CDKL5: variants seen among roughly 807,000 people sequenced by gnomAD.
The protein encoded by CDKL5 is cyclin-dependent kinase-like 5.
Under a neutral mutation model 61.7 loss-of-function variants are expected in CDKL5, and 8 were observed. That is an observed-to-expected ratio of 0.13 (90% CI 0.08 to 0.23). The LOEUF (loss-of-function observed/expected upper bound fraction) is 0.23. Among genes scored for constraint, CDKL5 ranks in the 10% least tolerant of loss-of-function variants. The pLI, the probability that CDKL5 is intolerant of heterozygous loss-of-function variation, is 1.00. For synonymous variants in CDKL5, 275 were observed against 272.3 expected, an observed-to-expected ratio of 1.01 and a Z score of -0.10; for missense variants, 440 against 734.5, an observed-to-expected ratio of 0.60 and a Z score of 4.63.
At chrX:18,586,921 T>C (rs1335376960) in intron 8 of CDKL5, among the ~76,000 whole-genome samples, 1 of 111,961 alleles carries the variant, frequency 8.9e-6, no homozygotes, top group East Asian at 2.8e-4. Flanking sequence ...TGTGTAGTTC[T>C]TAGGTTGATA....
intron 1 of CDKL5, among the ~76,000 whole-genome samples, chrX:18,448,878 CGAA>C (rs1327358598): frequency 9.0e-6 from 1 of 111,608 alleles, no homozygotes; most frequent in Admixed American, 9.5e-5. Context: ...ATTTTTGAGA[CGAA>C]GTCTCACTCT....
intron 10 of CDKL5, 47 bp downstream of exon 10, chrX:18,595,475 G>A (rs1019067535): frequency 1.0e-5 from 9 of 869,516 alleles, no homozygotes; most frequent in Non-Finnish European, 1.4e-5. Context: ...TTGGTTTGTG[G>A]ATTCTTTTGT....
intron 10 of CDKL5, among the ~76,000 whole-genome samples, chrX:18,595,645 C>G (rs759316269): frequency 9.0e-6 from 1 of 111,477 alleles, no homozygotes; most frequent in East Asian, 2.8e-4. Context: ...TCATGAGACC[C>G]CTAAATGACA....
chrX:18,525,138 C>T (rs1923385361), intron 3 of CDKL5, among the ~76,000 whole-genome samples: 1 of 111,452 alleles, frequency 9.0e-6, no homozygotes. Flanking sequence ...CTCGCTCTGT[C>T]ACCCAGGCTG....
intron 20 of CDKL5, among the ~76,000 whole-genome samples, chrX:18,648,770 A>G (rs1927900455): frequency 9.0e-6 from 1 of 111,505 alleles, no homozygotes; most frequent in Non-Finnish European, 1.9e-5. Flanking sequence ...GACAGTAACC[A>G]TCTTGCACCA....
At chrX:18,464,753 A>G in intron 1 of CDKL5, among the ~76,000 whole-genome samples, 2 of 111,595 alleles carry the variant, frequency 1.8e-5, no homozygotes, top group Non-Finnish European at 3.8e-5. Context: ...GGTGAGGTCT[A>G]CCCCAGGTTC....
chrX:18,478,228 C>T (rs1467830274), intron 1 of CDKL5, among the ~76,000 whole-genome samples: 10 of 105,764 alleles, frequency 9.5e-5, no homozygotes, highest in African/African-American at 1.4e-4. Flanking sequence ...TTTCTTTCAT[C>T]GCTTTGAATG....
chrX:18,502,547 C>T (rs1602228231), intron 1 of CDKL5, among the ~76,000 whole-genome samples: 1 of 111,187 alleles, frequency 9.0e-6, no homozygotes, highest in East Asian at 2.8e-4. Context: ...TTGCTTTTCA[C>T]TCTTAATGAT....
At chrX:18,607,212 G>A (rs1461352857) in intron 12 of CDKL5, among the ~76,000 whole-genome samples, 1 of 111,180 alleles carries the variant, frequency 9.0e-6, no homozygotes, top group African/African-American at 3.3e-5. Flanking sequence ...GCTCTAAGAG[G>A]CTAAAAAGAT....
intron 3 of CDKL5, among the ~76,000 whole-genome samples, chrX:18,519,753 A>G (rs967171932): frequency 1.8e-5 from 2 of 112,378 alleles, no homozygotes; most frequent in Non-Finnish European, 3.8e-5. Context: ...AAAATTCTTC[A>G]GCTCAAGAGA....
rs781427744 is a variant in CDKL5 at position 18,604,488 on chromosome X, T to G, written c.1564T>G (p.Leu522Val). The stretch of plus-strand genomic sequence containing the variant: ...CAGTAGGTACTTCCCATCTAGCTGC[T>G]TAGACTTGAATTCTCCCACCAGCCC... ...STSRYFPSSC[L>V]DLNSPTSPTP... The change falls in exon 12 of 18, where the codon TTA becomes GTA. Residue 522 changes from leucine to valine, a missense_variant. Physicochemically the swap from Leu to Val is conservative, Grantham distance 32. Coordinates refer to ENST00000623535, the MANE Select transcript of CDKL5 (RefSeq NM_001323289.2). 33 of 1,209,733 alleles carry G rather than the reference T, an allele frequency of 2.7e-5. No homozygotes were observed. Among genetic ancestry groups the G allele is most frequent in the Middle Eastern group, 2.3e-4 (1 of 4,374 alleles).
At chrX:18,543,617 CAT>C (rs1025199908) in intron 3 of CDKL5, among the ~76,000 whole-genome samples, 3 of 111,486 alleles carry the variant, frequency 2.7e-5, no homozygotes, top group East Asian at 2.8e-4. Flanking sequence ...ATAATAGTAA[CAT>C]ATTTTAATAT....
At chrX:18,467,490 CTCT>C (rs1462623257) in intron 1 of CDKL5, among the ~76,000 whole-genome samples, 20 of 111,922 alleles carry the variant, frequency 1.8e-4, no homozygotes, top group Admixed American at 1.5e-3. Context: ...AGCTCTGGGT[CTCT>C]TCTTTGGCTT....
At chrX:18,545,506 G>A (rs948643267) in intron 3 of CDKL5, among the ~76,000 whole-genome samples, 4 of 111,922 alleles carry the variant, frequency 3.6e-5, no homozygotes, top group African/African-American at 3.2e-5. Context: ...GGACTTAATT[G>A]TAAAGCAGTT....
intron 11 of CDKL5, among the ~76,000 whole-genome samples, chrX:18,601,066 G>A (rs771091310): frequency 8.9e-6 from 1 of 111,859 alleles, no homozygotes; most frequent in Admixed American, 9.4e-5. Flanking sequence ...TTTTAGAGAT[G>A]CTCACAGCAC....
intron 1 of CDKL5, among the ~76,000 whole-genome samples, chrX:18,449,106 T>G (rs1037369832): frequency 2.0e-4 from 22 of 112,008 alleles, no homozygotes; most frequent in Non-Finnish European, 2.8e-4. Context: ...CCACCCGCCT[T>G]GGCCTCCCAA....
chrX:18,590,946 A>G (rs921498430), intron 9 of CDKL5, among the ~76,000 whole-genome samples: 1 of 111,040 alleles, frequency 9.0e-6, no homozygotes, highest in Non-Finnish European at 1.9e-5. Context: ...CATTCCCCCC[A>G]TTCTCCAGAT....
intron 3 of CDKL5, among the ~76,000 whole-genome samples, chrX:18,519,523 G>A: frequency 9.0e-6 from 1 of 111,493 alleles, no homozygotes; most frequent in Non-Finnish European, 1.9e-5. Flanking sequence ...CCGTTGATCT[G>A]GACTTGAGTA....
intron 20 of CDKL5, chrX:18,647,148 T>G (rs772328415): frequency 1.7e-6 from 2 of 1,203,316 alleles, no homozygotes; most frequent in African/African-American, 3.5e-5. Context: ...AGGCCTATTT[T>G]TTTTTAAAAG....
Sources: allele counts gnomAD v4.1 joint callset (sites outside exome capture counted in the v4.1 genomes callset), GRCh38; gene constraint gnomAD v4.1.1; transcripts MANE v1.5; gene names NCBI Gene and HGNC (gene_info 2026-07-23, HGNC 2026-07-21).